Variants in CAPN2 observed in about 807,000 individuals in gnomAD.
The protein encoded by CAPN2 is calpain 2.
CAPN2 carries 92 observed loss-of-function variants against 102.3 expected under a neutral mutation model. The observed-to-expected ratio is 0.90, with a 90% CI of 0.76 to 1.07. The LOEUF is 1.07. Ranked by LOEUF, CAPN2 falls within the 50% of genes least tolerant of loss-of-function variation. The probability of loss-of-function intolerance (pLI) is 0.00; values close to 1 mark genes in which losing one functional copy is unlikely to be tolerated. For synonymous variants in CAPN2, 340 were observed against 355.4 expected (o/e 0.96, Z 0.49); for missense variants, 800 against 909.4 (o/e 0.88, Z 1.55).
chr1:223,714,681 C>T (rs1218075249), intron 1 of CAPN2, among the ~76,000 whole-genome samples: 2 of 150,644 alleles, frequency 1.3e-5, no homozygotes, highest in Admixed American at 6.6e-5. Flanking sequence ...TTTACATTTG[C>T]ATGGCACTTT....
intron 12 of CAPN2, among the ~76,000 whole-genome samples, chr1:223,760,602 A>G (rs961795369): frequency 1.3e-5 from 2 of 152,174 alleles, no homozygotes; most frequent in Non-Finnish European, 2.9e-5. Context: ...TGGTGTGTTC[A>G]GTTTAGTCCT....
rs546865639 is a variant in CAPN2 at position 223,744,382 on chromosome 1, C to T, written c.426+164C>T. Among the ~76,000 whole-genome samples, 3 of 152,140 alleles carry T rather than the reference C, an allele frequency of 2.0e-5. No individual in the cohort carries two copies. The South Asian group carries it at 6.2e-4, about 32-fold the overall frequency. On this transcript the variant is annotated intron_variant, in intron 3 of 20. Coordinates refer to ENST00000295006, the MANE Select transcript of CAPN2 (RefSeq NM_001748.5). Reference sequence around the variant, plus strand: ...AGAGCAGGAAGCTTCCTGGCTTACCCGTGGCCAGGATGTGAGACCCGGCTG... The same window carrying T: ...AGAGCAGGAAGCTTCCTGGCTTACCTGTGGCCAGGATGTGAGACCCGGCTG...
At chr1:223,709,661 C>CAAAAAAAAAA (rs779362608), upstream of CAPN2, among the ~76,000 whole-genome samples, 1 of 137,822 alleles carries the variant, frequency 7.3e-6, no homozygotes, top group Non-Finnish European at 1.6e-5. Context: ...AACTCCATCT[C>CAAAAAAAAAA]AAAAAAAAAA....
chr1:223,712,596 T>A lies in CAPN2; in HGVS notation c.-45T>A. 1 of 1,460,162 alleles carries A rather than the reference T, an allele frequency of 6.8e-7. No individual in the cohort carries two copies. Among genetic ancestry groups the A allele is most frequent in the Non-Finnish European group, 9.0e-7 (1 of 1,105,690 alleles). 90.5% of individuals were successfully genotyped at this position (1,460,162 alleles called of 1,614,324 possible). On this transcript the variant is annotated 5_prime_UTR_variant, in exon 1 of 21. Transcript: ENST00000295006. ...CGCCCCAGCCGAGCGCAGCGCGGAG[T>A]CGCCCCGACCTTTCTCTGCGCAGTA...
At chr1:223,716,680 G>A (rs554717895) in intron 1 of CAPN2, among the ~76,000 whole-genome samples, 62 of 152,018 alleles carry the variant, frequency 4.1e-4, no homozygotes, top group Non-Finnish European at 7.8e-4. Flanking sequence ...GACATGAGAC[G>A]CAGCTCCTTC....
At chr1:223,746,415 T>C (rs1240282604) in intron 4 of CAPN2, among the ~76,000 whole-genome samples, 1 of 150,398 alleles carries the variant, frequency 6.6e-6, no homozygotes, top group Non-Finnish European at 1.5e-5. Context: ...AAGGAATCAA[T>C]ACAGGAGGTT....
Position 223,764,177 on chromosome 1 carries a change from C to T in CAPN2, c.1660C>T (p.Gln554Ter), listed in dbSNP as rs192850510. 3 of 1,613,964 alleles carry T rather than the reference C, an allele frequency of 1.9e-6. No individual in the cohort carries two copies. The highest frequency in any genetic ancestry group is 4.5e-5 in the East Asian group (2 of 44,882). The change falls in exon 15 of 21, where the codon CAG becomes TAG. Residue 554 changes from glutamine to a stop codon, truncating the protein, a stop_gained. Coordinates refer to ENST00000295006, the MANE Select transcript of CAPN2 (RefSeq NM_001748.5). LOFTEE classifies it high-confidence loss of function. Reference protein sequence around the residue: ...EDAEISAFELQTILRRVLAKR... With the variant: ...EDAEISAFEL ...TGCGGAGATCTCTGCCTTTGAGCTG[C>T]AGACCATCCTGAGAAGGGTTCTAGC...
At position 223,766,368 on chromosome 1, in the gene CAPN2, C is replaced by T; in HGVS notation, c.1692C>T (p.Arg564=). 6.2e-7 allele frequency: 1 copy of T among 1,612,970 alleles called. No homozygotes were observed. Among genetic ancestry groups the T allele is most frequent in the Non-Finnish European group, 8.5e-7 (1 of 1,178,970 alleles). The change falls in exon 16 of 21, where the codon CGC becomes CGT. Residue 564 remains arginine (R), a splice_region_variant and synonymous_variant. Coordinates refer to ENST00000295006, the MANE Select transcript of CAPN2 (RefSeq NM_001748.5). ...TGTCACACTGATTTTGTCTTTTAGGCCAAGATATCAAGTCAGATGGCTTCA... is the reference window on the plus strand; with the variant it reads ...TGTCACACTGATTTTGTCTTTTAGGTCAAGATATCAAGTCAGATGGCTTCA... The part of the protein sequence containing the change: ...QTILRRVLAK[R]QDIKSDGFSI...
At chr1:223,715,758 A>G (rs569633569) in intron 1 of CAPN2, among the ~76,000 whole-genome samples, 2 of 152,308 alleles carry the variant, frequency 1.3e-5, no homozygotes, top group East Asian at 3.9e-4. Context: ...AAGAAAATCA[A>G]ACCTCTGAGA....
Position 223,750,854 on chromosome 1 carries a change from C to T in CAPN2, c.814-36C>T, listed in dbSNP as rs765555725. On this transcript the variant is annotated intron_variant, in intron 6 of 20. Coordinates refer to ENST00000295006, the MANE Select transcript of CAPN2 (RefSeq NM_001748.5). ...AGCCTTCATAGCCCTGACTTGAACT[C>T]AACCTCTTACTCCTCCCTTTTATCT... 6 of 1,543,400 alleles carry T rather than the reference C, an allele frequency of 3.9e-6. No homozygotes were observed. In the South Asian group the frequency reaches 7.1e-5, roughly 18 times the overall value.
chr1:223,771,245 C>A (rs1661461594), intron 18 of CAPN2: 1 of 153,388 alleles, frequency 6.5e-6, no homozygotes, highest in African/African-American at 2.4e-5. Flanking sequence ...AACAGGTTGA[C>A]AGAAGAAGGG....
Position 223,712,894 on chromosome 1 carries a change from A to G in CAPN2, c.237+17A>G. 1.3e-6 allele frequency: 2 copies of G among 1,499,764 alleles called. No homozygotes were observed. The highest frequency in any genetic ancestry group is 1.8e-6 in the Non-Finnish European group (2 of 1,123,030). The allele number at this position is 1,499,764 out of a possible 1,614,324, so 92.9% of individuals were successfully genotyped here. On this transcript the variant is annotated intron_variant, in intron 1 of 20. Coordinates refer to ENST00000295006, the MANE Select transcript of CAPN2 (RefSeq NM_001748.5). ...CGCCCCACGGTAGGAAGCGCGCGGC[A>G]GGACGCGGGCAGGGCGGGGTGCCGG... is the stretch of plus-strand genomic sequence containing the variant.
At chr1:223,741,858 A>G (rs983546444) in intron 2 of CAPN2, among the ~76,000 whole-genome samples, 1 of 149,644 alleles carries the variant, frequency 6.7e-6, no homozygotes, top group Non-Finnish European at 1.5e-5. Context: ...CTCACTGCAG[A>G]CTCCATCTCC....
At chr1:223,737,728 T>G (rs1189202485) in intron 2 of CAPN2, among the ~76,000 whole-genome samples, 1 of 81,780 alleles carries the variant, frequency 1.2e-5, no homozygotes. Context: ...GGGGAGAGAA[T>G]ACAATAACAC....
rs1373025118 is a variant in CAPN2, at chr1:223,756,763, G to A, written c.1306-606G>A. Among the ~76,000 whole-genome samples, 1 of 152,222 alleles carries A rather than the reference G, an allele frequency of 6.6e-6. No homozygotes were observed. The highest frequency in any genetic ancestry group is 2.4e-5 in the African/African-American group (1 of 41,468). On this transcript the variant is annotated intron_variant, in intron 10 of 20. Transcript: ENST00000295006. The surrounding 1 kb of genome is among the most constrained non-coding windows in gnomAD (Gnocchi z 4.1). ...CCCCTCCGTCTCTGAAACAGGAGCTGAGGACTTCGGATCTGGGACAGAATC... is the reference window on the plus strand; with the variant it reads ...CCCCTCCGTCTCTGAAACAGGAGCTAAGGACTTCGGATCTGGGACAGAATC...
chr1:223,712,422 C>G, upstream of CAPN2: 2 of 1,087,780 alleles, frequency 1.8e-6, no homozygotes, highest in South Asian at 4.5e-5. Context: ...CTCGGCAGGC[C>G]GCAGGATGGC....
rs576845777 is a variant in CAPN2 at position 223,715,101 on chromosome 1, G to A, written c.237+2224G>A. Among the ~76,000 whole-genome samples the A allele has an allele frequency of 7.2e-5, 11 of 152,326 alleles. No homozygotes were observed. In the South Asian group the frequency reaches 2.3e-3, roughly 32 times the overall value. On this transcript the variant is annotated intron_variant, in intron 1 of 20. Transcript: ENST00000295006. ...CATGTTGAGCCTACCCCTTATGGCT[G>A]CGCTCTCTGCCTCCTTCCTACCTTC...
intron 15 of CAPN2, among the ~76,000 whole-genome samples, chr1:223,765,617 C>T (rs988976433): frequency 6.6e-6 from 1 of 151,448 alleles, no homozygotes; most frequent in Non-Finnish European, 1.5e-5. Context: ...GAGCTTACTA[C>T]CCTACCCCTA....
intron 2 of CAPN2, among the ~76,000 whole-genome samples, chr1:223,733,929 A>G (rs543514838): frequency 6.6e-6 from 1 of 152,286 alleles, no homozygotes; most frequent in East Asian, 1.9e-4. Context: ...CCCTGAGAGA[A>G]CTGACAGCCC....
Sources: gnomAD v4.1 joint callset for allele counts (sites outside exome capture counted in the v4.1 genomes callset) on GRCh38, gnomAD v4.1.1 for gene constraint, Gnocchi (gnomAD v3.1) non-coding constraint, MANE v1.5 for transcripts, NCBI Gene and HGNC (gene_info 2026-07-23, HGNC 2026-07-21) for gene names.